GLCE: variants seen among roughly 807,000 people sequenced by gnomAD.
GLCE encodes D-glucuronyl C5-epimerase.
In GLCE, 19 loss-of-function variants were observed where a neutral mutation model predicts 47.9. That is an observed-to-expected ratio of 0.40 (90% CI 0.28 to 0.58). The LOEUF (loss-of-function observed/expected upper bound fraction) is 0.58. Ranked by LOEUF, GLCE falls within the 20% of genes least tolerant of loss-of-function variation. The pLI, the probability that GLCE is intolerant of heterozygous loss-of-function variation, is 0.48. For missense variants in GLCE, 556 were observed against 743.3 expected (o/e 0.75, Z 2.93); for synonymous variants, 245 against 263.4 (o/e 0.93, Z 0.68).
chr15:69,165,551 T>G lies in GLCE; in HGVS notation c.-105+4794T>G, dbSNP rs1405047733. On this transcript the variant is annotated intron_variant, in intron 1 of 4. Coordinates refer to ENST00000261858, the MANE Select transcript of GLCE (RefSeq NM_015554.3). ...TAGCTCTTTTTTAGTTACCATTTTT[T>G]CTTTTTTTTCTTTCTTTACTGTCTG... 2.0e-5 allele frequency among the ~76,000 whole-genome samples: 3 copies of G among 151,562 alleles called. No homozygotes were observed. The East Asian group carries it at 5.8e-4, about 29-fold the overall frequency.
intron 1 of GLCE, among the ~76,000 whole-genome samples, chr15:69,194,863 G>A (rs531642391): frequency 6.6e-6 from 1 of 152,160 alleles, no homozygotes; most frequent in South Asian, 2.1e-4. Flanking sequence ...ATAATGGATT[G>A]GAATGTGAAA....
chr15:69,183,898 C>T (rs1204374559), intron 1 of GLCE, among the ~76,000 whole-genome samples: 1 of 152,056 alleles, frequency 6.6e-6, no homozygotes, highest in Non-Finnish European at 1.5e-5. Context: ...GGGGAAATGC[C>T]GATAACAGAG....
intron 1 of GLCE, among the ~76,000 whole-genome samples, chr15:69,171,618 G>A (rs957498115): frequency 4.6e-5 from 7 of 152,004 alleles, no homozygotes; most frequent in South Asian, 2.1e-4. Context: ...GGCTGGTCTC[G>A]AACTCCTGAC....
At chr15:69,262,354 T>G (rs74847373) in intron 4 of GLCE, among the ~76,000 whole-genome samples, 1,771 of 152,290 alleles carry the variant, frequency 0.012, 33 homozygotes, top group African/African-American at 0.041. Flanking sequence ...AAACAACAGG[T>G]TTGGCTGAGT....
At chr15:69,198,115 C>CT (rs964082557) in intron 1 of GLCE, among the ~76,000 whole-genome samples, 30 of 151,842 alleles carry the variant, frequency 2.0e-4, no homozygotes, top group East Asian at 5.8e-4. Flanking sequence ...ATACTTTTTT[C>CT]TTTTTTTTAA....
intron 1 of GLCE, among the ~76,000 whole-genome samples, chr15:69,170,157 T>G (rs1020474787): frequency 6.6e-6 from 1 of 151,900 alleles, no homozygotes. Flanking sequence ...ACATTAGTTT[T>G]AAAAAAACAT....
intron 2 of GLCE, among the ~76,000 whole-genome samples, chr15:69,237,387 G>A (rs1182898626): frequency 6.6e-6 from 1 of 152,142 alleles, no homozygotes; most frequent in Non-Finnish European, 1.5e-5. Context: ...CTGAGGTCAG[G>A]AGTTCAAGAC....
At chr15:69,261,419 C>A in intron 4 of GLCE, 90 bp downstream of exon 4, 2 of 1,249,542 alleles carry the variant, frequency 1.6e-6, no homozygotes, top group Non-Finnish European at 2.3e-6. Context: ...TTTAAAAAAA[C>A]ACATAAGCAG....
chr15:69,249,908 A>G (rs1595782185), intron 2 of GLCE, among the ~76,000 whole-genome samples: 1 of 144,026 alleles, frequency 6.9e-6, no homozygotes, highest in African/African-American at 3.0e-5. Flanking sequence ...TACTTTCCCT[A>G]ATTTTTAACT....
intron 2 of GLCE, among the ~76,000 whole-genome samples, chr15:69,226,331 C>T (rs1316048379): frequency 6.6e-6 from 1 of 152,074 alleles, no homozygotes; most frequent in Non-Finnish European, 1.5e-5. Flanking sequence ...ATTCTGAGTA[C>T]TTTATTAAGT....
At chr15:69,252,714 G>A (rs1240102086) in intron 2 of GLCE, among the ~76,000 whole-genome samples, 3 of 152,060 alleles carry the variant, frequency 2.0e-5, no homozygotes, top group East Asian at 3.9e-4. Flanking sequence ...TGGTCAAAAT[G>A]TAAGGCGTAG....
At chr15:69,231,459 T>C (rs1421771658) in intron 2 of GLCE, among the ~76,000 whole-genome samples, 1 of 151,838 alleles carries the variant, frequency 6.6e-6, no homozygotes, top group African/African-American at 2.4e-5. Flanking sequence ...AATTTTTTGT[T>C]GTTTTAGTAG....
At chr15:69,258,840 A>T (rs905681216) in intron 3 of GLCE, among the ~76,000 whole-genome samples, 3 of 151,976 alleles carry the variant, frequency 2.0e-5, no homozygotes, top group Admixed American at 2.0e-4. Context: ...CTATATTTCC[A>T]TTTTTTTGCT....
intron 1 of GLCE, among the ~76,000 whole-genome samples, chr15:69,173,659 C>T (rs768333436): frequency 2.0e-5 from 3 of 151,968 alleles, no homozygotes; most frequent in Non-Finnish European, 2.9e-5. Flanking sequence ...TTTAATCAAG[C>T]GATCCTTTAA....
At chr15:69,190,022 T>G (rs1252475467) in intron 1 of GLCE, among the ~76,000 whole-genome samples, 1 of 152,142 alleles carries the variant, frequency 6.6e-6, no homozygotes, top group Non-Finnish European at 1.5e-5. Context: ...AGTGAAAGCC[T>G]AGGTCACTGA....
chr15:69,264,390 G>A (rs1008022495), intron 4 of GLCE, among the ~76,000 whole-genome samples: 1 of 151,880 alleles, frequency 6.6e-6, no homozygotes, highest in Non-Finnish European at 1.5e-5. Context: ...ACATGTGTGT[G>A]CACGTGCACA....
At position 69,268,398 on chromosome 15, in the gene GLCE, T is replaced by A. The variant is rs1307137757; in HGVS notation, c.1008T>A (p.Asp336Glu). ...AGCTAATTGCTTTTAAAGAAAGAGA[T>A]ATATACTATGGCATTGGGCCCAGAA... ...NAQLIAFKERDIYYGIGPRTS... is the reference protein window; with the variant it reads ...NAQLIAFKEREIYYGIGPRTS... The change falls in exon 5 of 5, where the codon GAT becomes GAA. Residue 336 changes from aspartate (D) to glutamate (E), a missense_variant. Around this residue, in one of 3 missense-constraint regions of GLCE, gnomAD observed 245 missense variants for 368.1 expected, o/e 0.67. Transcript: ENST00000261858. The A allele has an allele frequency of 1.2e-6, 2 of 1,613,864 alleles. No homozygotes were observed. Among genetic ancestry groups the A allele is most frequent in the Admixed American group, 3.3e-5 (2 of 60,006 alleles).
At chr15:69,217,527 TAGG>T (rs2140384227) in intron 2 of GLCE, among the ~76,000 whole-genome samples, 1 of 152,248 alleles carries the variant, frequency 6.6e-6, no homozygotes, top group East Asian at 1.9e-4. Context: ...TCCTTGTTTA[TAGG>T]AGACTAGGAA....
intron 1 of GLCE, among the ~76,000 whole-genome samples, chr15:69,193,328 G>C (rs2051940884): frequency 6.6e-6 from 1 of 151,888 alleles, no homozygotes; most frequent in African/African-American, 2.4e-5. Context: ...TCCAATTTCT[G>C]GTTGTTAGGG....
Sources: gnomAD v4.1 joint callset for allele counts (sites outside exome capture counted in the v4.1 genomes callset) on GRCh38, gnomAD v4.1.1 for gene constraint, gnomAD v4.1.1 regional missense constraint, MANE v1.5 for transcripts, NCBI Gene and HGNC (gene_info 2026-07-23, HGNC 2026-07-21) for gene names.